Variants in POP1 observed in about 807,000 individuals in gnomAD.
POP1 encodes ribonucleases P/MRP protein subunit POP1.
A neutral mutation model predicts 102.2 loss-of-function variants in POP1; 75 were observed. The ratio of observed to expected loss-of-function variants is 0.73; its 90% confidence interval spans 0.61 to 0.89. The LOEUF (loss-of-function observed/expected upper bound fraction) is 0.89, where lower values mean the gene tolerates loss of function less well. POP1 is among the 40% of genes least tolerant of loss of function. The pLI is 0.00. For synonymous variants in POP1, 436 were observed against 464.1 expected (o/e 0.94, Z 0.78); for missense variants, 1,116 against 1,267.4 (o/e 0.88, Z 1.81).
intron 3 of POP1, 65 bp from the exon 4 acceptor site, chr8:98,128,300 G>C: frequency 6.6e-7 from 1 of 1,510,342 alleles, no homozygotes; most frequent in East Asian, 2.3e-5. Flanking sequence ...TTCCCCAGCA[G>C]CCTGTTTATT....
intron 13 of POP1, among the ~76,000 whole-genome samples, 195 bp downstream of exon 13, chr8:98,149,201 CCTGTG>C (rs1809452349): frequency 6.6e-6 from 1 of 152,106 alleles, no homozygotes; most frequent in South Asian, 2.1e-4. Context: ...CATTATAAGA[CCTGTG>C]CTGACATATC....
In POP1 at chr8:98,130,173, G is replaced by C. The variant is rs755335901; in HGVS notation, c.682G>C (p.Val228Leu). The C allele has an allele frequency of 6.2e-7, 1 of 1,614,194 alleles. No homozygotes were observed. Among genetic ancestry groups the C allele is most frequent in the Non-Finnish European group, 8.5e-7 (1 of 1,180,034 alleles). Residue 228 changes from valine (V) to leucine (L), a missense_variant, in exon 5 of 16, where the codon GTC becomes CTC. Val to Leu is a conservative substitution (Grantham distance 32). Coordinates refer to ENST00000401707, the MANE Select transcript of POP1 (RefSeq NM_001145860.2). ...CTACTGCCTTGGGGAGAGGCCAACAGTCAAGAGCCACAGAGCCTGCTATCG... is the reference window on the plus strand; with the variant it reads ...CTACTGCCTTGGGGAGAGGCCAACACTCAAGAGCCACAGAGCCTGCTATCG... ...WGYCLGERPT[V>L]KSHRACYRAM...
intron 2 of POP1, 67 bp from the exon 3 acceptor site, chr8:98,127,525 AAAT>A: frequency 6.3e-7 from 1 of 1,583,150 alleles, no homozygotes; most frequent in Non-Finnish European, 8.7e-7. Flanking sequence ...GCCACCCAAC[AAAT>A]ATTAGTTCTC....
rs1816275405 is a variant in POP1 at position 98,128,451 on chromosome 8, C to G, written c.397C>G (p.Gln133Glu). 6.2e-7 allele frequency: 1 copy of G among 1,614,056 alleles called. No homozygotes were observed. Among genetic ancestry groups the G allele is most frequent in the East Asian group, 2.2e-5 (1 of 44,882 alleles). ...GAAGTCTTCGAATTCACTGGTTTTTCAGACTCTGCCACGGCACATGCGACG... is the reference window on the plus strand; with the variant it reads ...GAAGTCTTCGAATTCACTGGTTTTTGAGACTCTGCCACGGCACATGCGACG... ...TQKSSNSLVFQTLPRHMRRRA... is the reference protein window; with the variant it reads ...TQKSSNSLVFETLPRHMRRRA... Residue 133 changes from glutamine to glutamate, a missense_variant, in exon 4 of 16, where the codon CAG (glutamine) becomes GAG (glutamate). Transcript: ENST00000401707.
chr8:98,141,798 C>T (rs1816712294), intron 11 of POP1, among the ~76,000 whole-genome samples: 1 of 150,398 alleles, frequency 6.6e-6, no homozygotes, highest in Admixed American at 6.7e-5. Flanking sequence ...AAACTCCTGA[C>T]CTCAGGTGAT....
rs551305743 is a variant in POP1, at chr8:98,134,553, G to C, written c.905G>C (p.Arg302Thr). 2.3e-5 allele frequency: 37 copies of C among 1,614,208 alleles called. 1 individual carries two copies. In the South Asian group the frequency reaches 3.6e-4, roughly 16 times the overall value. The change falls in exon 7 of 16, where the codon AGA becomes ACA. Residue 302 changes from arginine to threonine, a missense_variant. Transcript: ENST00000401707. ...CTTTATCGGGTGAATAAATATCCCA[G>C]AGAAATGCTTGGGCCTGTTACGTTT... ...LVLYRVNKYP[R>T]EMLGPVTFIW...
At chr8:98,126,449 T>A (rs1490298524) in intron 2 of POP1, among the ~76,000 whole-genome samples, 1 of 152,204 alleles carries the variant, frequency 6.6e-6, no homozygotes, top group Non-Finnish European at 1.5e-5. Context: ...TTATTCAGCA[T>A]TCCCATGGGA....
At chr8:98,139,301 A>G (rs1186727984) in intron 9 of POP1, among the ~76,000 whole-genome samples, 1 of 152,210 alleles carries the variant, frequency 6.6e-6, no homozygotes, top group Non-Finnish European at 1.5e-5. Context: ...TGGAAAAAAT[A>G]TACATTTCTA....
intron 7 of POP1, among the ~76,000 whole-genome samples, chr8:98,135,146 C>G (rs866201455): frequency 6.6e-6 from 1 of 152,096 alleles, no homozygotes; most frequent in South Asian, 2.1e-4. Context: ...GGATTGGTGG[C>G]ATGCACCTGT....
At chr8:98,140,969 C>A in intron 11 of POP1, 81 bp downstream of exon 11, 1 of 1,514,310 alleles carries the variant, frequency 6.6e-7, no homozygotes, top group South Asian at 1.1e-5. Context: ...CTTTCTCTGA[C>A]ACCTCTCCAG....
At position 98,156,194 on chromosome 8, in the gene POP1, G is replaced by A; in HGVS notation, c.2202G>A (p.Lys734=). The change falls in exon 15 of 16, where the codon AAG becomes AAA. Residue 734 remains lysine (K), a synonymous_variant. Coordinates refer to ENST00000401707, the MANE Select transcript of POP1 (RefSeq NM_001145860.2). ...CTGTAGCTTCATCTCCAAATGGTAA[G>A]GAGAGTGACCTAAGAAGATCTGAGG... ...EPSVASSPNG[K]ESDLRRSEVP... 1.2e-6 allele frequency: 2 copies of A among 1,614,056 alleles called. No homozygotes were observed. The highest frequency in any genetic ancestry group is 2.2e-5 in the East Asian group (1 of 44,872).
At chr8:98,138,535 C>T (rs1350683650) in intron 9 of POP1, among the ~76,000 whole-genome samples, 2 of 152,164 alleles carry the variant, frequency 1.3e-5, no homozygotes, top group East Asian at 3.8e-4. Context: ...AACTAGATCC[C>T]TCCTGTTGTT....
chr8:98,131,566 A>T (rs1321711555), intron 5 of POP1, among the ~76,000 whole-genome samples: 4 of 152,192 alleles, frequency 2.6e-5, no homozygotes, highest in African/African-American at 7.2e-5. Flanking sequence ...GTGAACATGG[A>T]TATGCAAATA....
At chr8:98,119,856 G>T (rs1488785551) in intron 1 of POP1, among the ~76,000 whole-genome samples, 1 of 152,120 alleles carries the variant, frequency 6.6e-6, no homozygotes, top group Non-Finnish European at 1.5e-5. Context: ...TTATAGATGT[G>T]AACCACCACA....
At chr8:98,156,864 C>G (rs1215590404) in intron 15 of POP1, among the ~76,000 whole-genome samples, 1 of 151,146 alleles carries the variant, frequency 6.6e-6, no homozygotes, top group Non-Finnish European at 1.5e-5. Context: ...CCAGGTTCTG[C>G]TCATCAGTGA....
At chr8:98,134,428 T>A in intron 6 of POP1, 44 bp from the exon 7 acceptor site, 1 of 1,596,556 alleles carries the variant, frequency 6.3e-7, no homozygotes, top group Non-Finnish European at 8.6e-7. Context: ...AGGACTGCAG[T>A]CTCAACACCC....
chr8:98,122,767 A>T (rs1234433115), intron 1 of POP1, among the ~76,000 whole-genome samples: 3 of 152,228 alleles, frequency 2.0e-5, no homozygotes, highest in African/African-American at 7.2e-5. Flanking sequence ...AGGTTATAAC[A>T]TTCATTTCAT....
chr8:98,125,011 T>G (rs2130579090), intron 2 of POP1, among the ~76,000 whole-genome samples: 1 of 152,326 alleles, frequency 6.6e-6, no homozygotes, highest in African/African-American at 2.4e-5. Flanking sequence ...ATTCAGATCC[T>G]ACAGTTGATG....
intron 2 of POP1, among the ~76,000 whole-genome samples, chr8:98,126,397 TGTGATGGGTCACAGTCAG>T (rs1306470178): frequency 1.3e-5 from 2 of 152,128 alleles, no homozygotes; most frequent in Non-Finnish European, 2.9e-5. Flanking sequence ...TCCGACCTCA[TGTGATGGGTCACAGTCAG>T]AATGAAGGCA....
Sources: allele counts gnomAD v4.1 joint callset (sites outside exome capture counted in the v4.1 genomes callset), GRCh38; gene constraint gnomAD v4.1.1; transcripts MANE v1.5; gene names NCBI Gene and HGNC (gene_info 2026-07-23, HGNC 2026-07-21).